The following VPREB3 variants were observed in gnomAD, a reference collection of about 807,000 sequenced individuals.
VPREB3 encodes the protein pre-B lymphocyte protein 3.
VPREB3 carries 14 observed loss-of-function variants against 12.9 expected under a neutral mutation model. The ratio of observed to expected loss-of-function variants is 1.09; its 90% CI spans 0.72 to 1.70. The LOEUF (loss-of-function observed/expected upper bound fraction) is 1.70. Among genes scored for constraint, VPREB3 ranks in the 40% most tolerant of loss-of-function variants. The probability of loss-of-function intolerance (pLI) is 0.00; values close to 1 mark genes in which losing one functional copy is unlikely to be tolerated. For synonymous variants in VPREB3, 78 were observed against 70.1 expected (o/e 1.11, Z -0.56); for missense variants, 165 against 159.6 (o/e 1.03, Z -0.18).
chr22:23,753,217 C>T lies in VPREB3; in HGVS notation c.50-19G>A, dbSNP rs1399615999. On this transcript the variant is annotated intron_variant, in intron 1 of 1. Transcript: ENST00000248948. ...TGGGAAACTGCGAGACACAAACCCA[C>T]TCAGCCTGAGCCCCTTCCCTCCCAC... 6.4e-7 allele frequency: 1 copy of T among 1,556,992 alleles called. No homozygotes were observed. The highest frequency in any genetic ancestry group is 1.4e-5 in the African/African-American group (1 of 73,672).
chr22:23,753,332 G>C, intron 1 of VPREB3, 134 bp from the exon 2 acceptor site: 1 of 936,434 alleles, frequency 1.1e-6, no homozygotes, highest in Non-Finnish European at 1.6e-6. Context: ...GCAATGAACG[G>C]GGTGCAGGAG....
intron 1 of VPREB3, among the ~76,000 whole-genome samples, chr22:23,753,517 C>A (rs547414250): frequency 6.6e-6 from 1 of 152,248 alleles, no homozygotes; most frequent in African/African-American, 2.4e-5. Context: ...CCCTCTGCTA[C>A]CCACCCACGT....
At position 23,752,936 on chromosome 22, in the gene VPREB3, G is replaced by C; in HGVS notation, c.312C>G (p.Pro104=). 5 of 1,614,144 alleles carry C rather than the reference G, an allele frequency of 3.1e-6. No individual in the cohort carries two copies. Among genetic ancestry groups the C allele is most frequent in the African/African-American group, 1.3e-5 (1 of 75,028 alleles). ...AHNACVLTIS[P]VQPEDDADYY... is the part of the protein sequence containing the mutation. ...AATCCGCGTCGTCTTCAGGCTGCACGGGACTAATGGTGAGGACACAGGCAT... is the reference window on the plus strand; with the variant it reads ...AATCCGCGTCGTCTTCAGGCTGCACCGGACTAATGGTGAGGACACAGGCAT... The change falls in exon 2 of 2, where the codon CCC becomes CCG. Residue 104 remains proline, a synonymous_variant. Transcript: ENST00000248948.
At chr22:23,753,632 G>A (rs532847153) in intron 1 of VPREB3, among the ~76,000 whole-genome samples, 2 of 152,260 alleles carry the variant, frequency 1.3e-5, no homozygotes, top group African/African-American at 2.4e-5. Flanking sequence ...CTCCTGGGCT[G>A]TCCCACACAT....
intron 1 of VPREB3, 124 bp downstream of exon 1, chr22:23,754,191 A>AG: frequency 1.9e-6 from 2 of 1,053,772 alleles, no homozygotes; most frequent in Non-Finnish European, 2.7e-6. Context: ...TCAAAAAAAA[A>AG]AAAAATACCC....
rs1196841053 is a variant in VPREB3, at chr22:23,753,090, C to T, written c.158G>A (p.Gly53Asp). The T allele has an allele frequency of 6.2e-7, 1 of 1,614,012 alleles. No homozygotes were observed. The highest frequency in any genetic ancestry group is 8.5e-7 in the Non-Finnish European group (1 of 1,180,018). The change falls in exon 2 of 2, where the codon GGT becomes GAT. Residue 53 changes from glycine (G) to aspartate (D), a missense_variant. Physicochemically the swap from Gly to Asp is moderately conservative, Grantham distance 94. Transcript: ENST00000248948. The stretch of plus-strand genomic sequence containing the variant: ...TGCCCGCTGCTGGTACCAGGACACA[C>T]CGTAGTCCCTGATGGTGACGTGCTG... Reference protein sequence around the residue: ...SPQHVTIRDYGVSWYQQRAGS... With the variant: ...SPQHVTIRDYDVSWYQQRAGS...
rs762451284 is a variant in VPREB3, at chr22:23,753,047, A to G, written c.201T>C (p.Tyr67=). Residue 67 remains tyrosine (Y), a synonymous_variant, in exon 2 of 2, where the codon TAT becomes TAC. Transcript: ENST00000248948. The stretch of plus-strand genomic sequence containing the variant: ...CCTCCTCCGAGCGGTAGTAGAGGAG[A>G]TATCGAGGGGCACTGCCTGCCCGCT... ...YQQRAGSAPR[Y]LLYYRSEEDH... is the part of the protein sequence containing the mutation. 1 of 1,613,922 alleles carries G rather than the reference A, an allele frequency of 6.2e-7. No homozygotes were observed. The highest frequency in any genetic ancestry group is 8.5e-7 in the Non-Finnish European group (1 of 1,180,024).
chr22:23,753,040 A>G lies in VPREB3; in HGVS notation c.208T>C (p.Tyr70His), dbSNP rs1925410271. The G allele has an allele frequency of 2.5e-6, 4 of 1,614,114 alleles. No individual in the cohort carries two copies. The highest frequency in any genetic ancestry group is 3.4e-6 in the Non-Finnish European group (4 of 1,180,006). The change falls in exon 2 of 2, where the codon TAC becomes CAC. Residue 70 changes from tyrosine (Y) to histidine (H), a missense_variant. Transcript: ENST00000248948. Reference protein sequence around the residue: ...RAGSAPRYLLYYRSEEDHHRP... With the variant: ...RAGSAPRYLLHYRSEEDHHRP... ...TGGTGATCCTCCTCCGAGCGGTAGT[A>G]GAGGAGATATCGAGGGGCACTGCCT... is the stretch of plus-strand genomic sequence containing the variant.
chr22:23,752,747 G>A lies in VPREB3; in HGVS notation c.*129C>T, dbSNP rs1012120402. The stretch of plus-strand genomic sequence containing the variant: ...TCTTATGACCCTCACAATAGCTGTT[G>A]TTGACATGTTGAATATTATTAACCC... On this transcript the variant is annotated 3_prime_UTR_variant, in exon 2 of 2. Coordinates refer to ENST00000248948, the MANE Select transcript of VPREB3 (RefSeq NM_013378.3). 2 of 894,064 alleles carry A rather than the reference G, an allele frequency of 2.2e-6. No individual in the cohort carries two copies. The highest frequency in any genetic ancestry group is 3.4e-6 in the Non-Finnish European group (2 of 587,270). 55.4% of individuals were successfully genotyped at this position (894,064 alleles called of 1,614,324 possible). A position where few individuals can be genotyped will look rare whatever the true frequency, so the allele number is the denominator to read the frequency against.
intron 1 of VPREB3, among the ~76,000 whole-genome samples, chr22:23,753,784 T>C (rs947435138): frequency 6.6e-6 from 1 of 152,170 alleles, no homozygotes; most frequent in Non-Finnish European, 1.5e-5. Context: ...TCCAGGGCTC[T>C]AGTGATCTGG....
intron 1 of VPREB3, 144 bp from the exon 2 acceptor site, chr22:23,753,342 G>T: frequency 1.1e-6 from 1 of 896,482 alleles, no homozygotes; most frequent in Non-Finnish European, 1.7e-6. Flanking sequence ...GGGTGCAGGA[G>T]GCCTGGTTCT....
chr22:23,754,320 A>G lies in VPREB3; in HGVS notation c.44T>C (p.Leu15Pro). 6.2e-7 allele frequency: 1 copy of G among 1,606,056 alleles called. No homozygotes were observed. The highest frequency in any genetic ancestry group is 8.5e-7 in the Non-Finnish European group (1 of 1,176,504). The change falls in exon 1 of 2, where the codon CTG becomes CCG. Residue 15 changes from leucine (L) to proline (P), a missense_variant. Leu to Pro is a moderately conservative substitution (Grantham distance 98). Transcript: ENST00000248948. Reference sequence around the variant, plus strand: ...GAGGCCCAGGAAAGATTCACCTGACAGGAAGGTCCCCATCAGAAGGAAGCT... The same window carrying G: ...GAGGCCCAGGAAAGATTCACCTGACGGGAAGGTCCCCATCAGAAGGAAGCT... ...CLSFLLMGTF[L>P]SVSQTVLAQL...
rs773392225 is a variant in VPREB3, at chr22:23,753,026, C to G, written c.222G>C (p.Glu74Asp). Reference sequence around the variant, plus strand: ...TGTCAGCAGGCCGGTGGTGATCCTCCTCCGAGCGGTAGTAGAGGAGATATC... The same window carrying G: ...TGTCAGCAGGCCGGTGGTGATCCTCGTCCGAGCGGTAGTAGAGGAGATATC... ...APRYLLYYRS[E>D]EDHHRPADIP... Residue 74 changes from glutamate to aspartate, a missense_variant, in exon 2 of 2, where the codon GAG becomes GAC. Coordinates refer to ENST00000248948, the MANE Select transcript of VPREB3 (RefSeq NM_013378.3). 2 of 1,614,156 alleles carry G rather than the reference C, an allele frequency of 1.2e-6. No homozygotes were observed. The highest frequency in any genetic ancestry group is 2.2e-5 in the East Asian group (1 of 44,876).
Position 23,752,811 on chromosome 22 carries a change from A to C in VPREB3, c.*65T>G. 1 of 1,512,640 alleles carries C rather than the reference A, an allele frequency of 6.6e-7. No individual in the cohort carries two copies. Among genetic ancestry groups the C allele is most frequent in the Non-Finnish European group, 9.0e-7 (1 of 1,110,386 alleles). The allele number at this position is 1,512,640 out of a possible 1,614,324, so 93.7% of individuals were successfully genotyped here. On this transcript the variant is annotated 3_prime_UTR_variant, in exon 2 of 2. Coordinates refer to ENST00000248948, the MANE Select transcript of VPREB3 (RefSeq NM_013378.3). ...GAAGCAAGGCTCAGAGAAAGTTTAA[A>C]AGGGACCCAAGGTCAGGGGCAGAAA...
Position 23,752,874 on chromosome 22 carries a change from C to T in VPREB3, c.*2G>A. 6.2e-7 allele frequency: 1 copy of T among 1,606,348 alleles called. No individual in the cohort carries two copies. The highest frequency in any genetic ancestry group is 8.5e-7 in the Non-Finnish European group (1 of 1,174,256). ...GGGAGGCACCCATCTCACACCCCAC[C>T]CCTAGGGACTAAAGCCGTAGCCAAC... On this transcript the variant is annotated 3_prime_UTR_variant, in exon 2 of 2. Coordinates refer to ENST00000248948, the MANE Select transcript of VPREB3 (RefSeq NM_013378.3).
chr22:23,753,340 G>A (rs1925422007), intron 1 of VPREB3, 142 bp from the exon 2 acceptor site: 6 of 904,220 alleles, frequency 6.6e-6, no homozygotes, highest in Non-Finnish European at 9.8e-6. Flanking sequence ...CGGGGTGCAG[G>A]AGGCCTGGTT....
At chr22:23,754,199 C>T (rs1442799392) in intron 1 of VPREB3, 116 bp downstream of exon 1, 3 of 1,051,916 alleles carry the variant, frequency 2.9e-6, no homozygotes, top group Admixed American at 2.7e-5. Flanking sequence ...AAAAAAAATA[C>T]CCCTCCCAGG....
Position 23,753,098 on chromosome 22 carries a change from C to T in VPREB3, c.150G>A (p.Arg50=), listed in dbSNP as rs867793265. Reference sequence around the variant, plus strand: ...GCTGGTACCAGGACACACCGTAGTCCCTGATGGTGACGTGCTGGGGGCTGA... The same window carrying T: ...GCTGGTACCAGGACACACCGTAGTCTCTGATGGTGACGTGCTGGGGGCTGA... ...CTLSPQHVTI[R]DYGVSWYQQR... is the part of the protein sequence containing the mutation. The change falls in exon 2 of 2, where the codon AGG becomes AGA. Residue 50 remains arginine, a synonymous_variant. Transcript: ENST00000248948. 1 of 1,614,084 alleles carries T rather than the reference C, an allele frequency of 6.2e-7. No individual in the cohort carries two copies. The highest frequency in any genetic ancestry group is 8.5e-7 in the Non-Finnish European group (1 of 1,179,996).
rs1925420765 is a variant in VPREB3 at position 23,753,282 on chromosome 22, C to T, written c.50-84G>A. 3.6e-6 allele frequency: 5 copies of T among 1,380,186 alleles called. No homozygotes were observed. In the South Asian group the frequency reaches 7.0e-5, roughly 19 times the overall value. The allele number at this position is 1,380,186 out of a possible 1,614,324, so 85.5% of individuals were successfully genotyped here. A position where few individuals can be genotyped will look rare whatever the true frequency, so the allele number is the denominator to read the frequency against. On this transcript the variant is annotated intron_variant, in intron 1 of 1. Transcript: ENST00000248948. Reference sequence around the variant, plus strand: ...GGCTTGGTTGGACTCCATGGAGACTCCCAGTCCCAAAGGGCTCATAGCCCA... The same window carrying T: ...GGCTTGGTTGGACTCCATGGAGACTTCCAGTCCCAAAGGGCTCATAGCCCA...
Sources: allele counts gnomAD v4.1 joint callset (sites outside exome capture counted in the v4.1 genomes callset), GRCh38; gene constraint gnomAD v4.1.1; transcripts MANE v1.5; gene names NCBI Gene and HGNC (gene_info 2026-07-23, HGNC 2026-07-21).